Variants in RTKN observed in about 807,000 individuals in gnomAD.
RTKN encodes the protein rhotekin.
Under a neutral mutation model 63.5 loss-of-function variants are expected in RTKN, and 49 were observed. That is an observed-to-expected ratio of 0.77 (90% confidence interval 0.61 to 0.98). RTKN has a LOEUF of 0.98. Ranked by LOEUF, RTKN falls within the 50% of genes least tolerant of loss-of-function variation. The pLI, the probability that RTKN is intolerant of heterozygous loss-of-function variation, is 0.00. For synonymous variants in RTKN, 295 were observed against 290.4 expected (o/e 1.02, Z -0.16); for missense variants, 685 against 740.8 (o/e 0.92, Z 0.87).
intron 2 of RTKN, among the ~76,000 whole-genome samples, chr2:74,431,204 T>C (rs992163450): frequency 5.3e-5 from 8 of 152,134 alleles, no homozygotes; most frequent in African/African-American, 1.9e-4. Context: ...AAGAGTTACG[T>C]TCCATTCACT....
rs1031334749 is a variant in RTKN at position 74,430,641 on chromosome 2, G to A, written c.348C>T (p.Pro116=). The A allele has an allele frequency of 1.2e-6, 2 of 1,613,564 alleles. No homozygotes were observed. Among genetic ancestry groups the A allele is most frequent in the African/African-American group, 2.7e-5 (2 of 74,908 alleles). Residue 116 remains proline (P), a synonymous_variant, in exon 3 of 12, where the codon CCC becomes CCT. Transcript: ENST00000272430. ...SDSGPPAERS[P]CRGRVCISDL... ...CAGAGATGCAGACCCGGCCGCGGCAGGGGGAGCGCTCAGCGGGCGGGCCAC... is the reference window on the plus strand; with the variant it reads ...CAGAGATGCAGACCCGGCCGCGGCAAGGGGAGCGCTCAGCGGGCGGGCCAC...
chr2:74,439,776 T>C, intron 1 of RTKN: 1 of 1,471,372 alleles, frequency 6.8e-7, no homozygotes, highest in Non-Finnish European at 9.1e-7. Flanking sequence ...CCCTTATCCC[T>C]CTGCACTCCT....
chr2:74,440,526 A>T (rs1402817929), intron 1 of RTKN: 1 of 985,986 alleles, frequency 1.0e-6, no homozygotes, highest in East Asian at 1.1e-4. Context: ...ACGGAGTCAC[A>T]CTTCACTCGG....
At chr2:74,439,735 T>C in intron 1 of RTKN, 1 of 1,539,588 alleles carries the variant, frequency 6.5e-7, no homozygotes. Context: ...TTTAAAGAGG[T>C]GGCCAGCTCT....
At chr2:74,435,197 C>T (rs1670987961) in intron 1 of RTKN, among the ~76,000 whole-genome samples, 1 of 152,180 alleles carries the variant, frequency 6.6e-6, no homozygotes, top group Non-Finnish European at 1.5e-5. Flanking sequence ...CTGGAAGAGA[C>T]ACCAGGATTC....
chr2:74,434,171 C>A (rs1314464991), intron 1 of RTKN, among the ~76,000 whole-genome samples: 2 of 151,848 alleles, frequency 1.3e-5, no homozygotes, highest in African/African-American at 4.8e-5. Context: ...GGCGCGATCT[C>A]AGCTCACTGC....
chr2:74,439,722 G>C (rs1671247886), intron 1 of RTKN: 1 of 1,558,480 alleles, frequency 6.4e-7, no homozygotes, highest in Admixed American at 1.9e-5. Flanking sequence ...TGTTCCCTCA[G>C]TCTTTAAAGA....
chr2:74,432,397 G>C (rs771651239), intron 2 of RTKN, 70 bp downstream of exon 2: 1 of 1,407,340 alleles, frequency 7.1e-7, no homozygotes, highest in Non-Finnish European at 1.0e-6. Flanking sequence ...TGCCACACAC[G>C]CACATGCTGC....
chr2:74,428,987 G>A (rs746567766), intron 6 of RTKN, 45 bp from the exon 7 acceptor site: 23 of 1,505,158 alleles, frequency 1.5e-5, no homozygotes, highest in Admixed American at 6.7e-5. Flanking sequence ...GGGGCATGTT[G>A]GCCAGCAGGA....
intron 8 of RTKN, 71 bp downstream of exon 8, chr2:74,428,560 C>T: frequency 1.3e-6 from 2 of 1,540,554 alleles, no homozygotes; most frequent in Admixed American, 3.6e-5. Flanking sequence ...TTCATTAGCT[C>T]TTCTATTCCT....
At chr2:74,432,359 G>C (rs757212365) in intron 2 of RTKN, 108 bp downstream of exon 2, 1 of 1,066,742 alleles carries the variant, frequency 9.4e-7, no homozygotes. Context: ...AAGACTTCAT[G>C]GGGAAGTCAT....
At position 74,426,001 on chromosome 2, in the gene RTKN, TC is replaced by T; in HGVS notation, c.*241del. The T allele has an allele frequency of 1.6e-6, 1 of 642,604 alleles. No individual in the cohort carries two copies. The highest frequency in any genetic ancestry group is 2.7e-6 in the Non-Finnish European group (1 of 376,496). 39.8% of individuals were successfully genotyped at this position (642,604 alleles called of 1,614,324 possible). On this transcript the variant is annotated 3_prime_UTR_variant, in exon 12 of 12. Coordinates refer to ENST00000272430, the MANE Select transcript of RTKN (RefSeq NM_001015055.2). The stretch of plus-strand genomic sequence containing the variant: ...TGCAGGGAGGTAGGGCAGAGTTGGT[TC>T]CAGTTTTCTTCCAGGAAGGGTTTAG...
At chr2:74,439,666 G>A (rs764447964) in intron 1 of RTKN, 5 of 1,611,788 alleles carry the variant, frequency 3.1e-6, no homozygotes, top group Non-Finnish European at 4.2e-6. Flanking sequence ...CCCCTCCAGA[G>A]GGGGGACAGA....
chr2:74,426,701 G>A (rs1291520299), intron 11 of RTKN, 127 bp from the exon 12 acceptor site: 16 of 1,407,160 alleles, frequency 1.1e-5, no homozygotes, highest in Middle Eastern at 2.6e-4. Flanking sequence ...TGGAGATTGC[G>A]TTATCCTGCA....
intron 1 of RTKN, chr2:74,440,167 C>T (rs111774508): frequency 4.2e-5 from 17 of 404,778 alleles, no homozygotes; most frequent in Non-Finnish European, 5.1e-5. Flanking sequence ...GTTGGAGCTT[C>T]CCGAGAGGGG....
intron 9 of RTKN, 57 bp from the exon 10 acceptor site, chr2:74,427,649 C>T: frequency 6.4e-7 from 1 of 1,553,950 alleles, no homozygotes. Context: ...GACAATCAGG[C>T]AGCCTTGATC....
Position 74,428,854 on chromosome 2 carries a change from T to C in RTKN, c.844A>G (p.Ser282Gly). The change falls in exon 7 of 12, where the codon AGT becomes GGT. Residue 282 changes from serine (S) to glycine (G), a missense_variant. Coordinates refer to ENST00000272430, the MANE Select transcript of RTKN (RefSeq NM_001015055.2). Reference protein sequence around the residue: ...GFRTHDLTLASHEENPAWLPL... With the variant: ...GFRTHDLTLAGHEENPAWLPL... The stretch of plus-strand genomic sequence containing the variant: ...CATGCACACACATACTTACCATGAC[T>C]GGCAAGGGTGAGGTCATGTGTGCGG... 6.2e-7 allele frequency: 1 copy of C among 1,613,816 alleles called. No homozygotes were observed. The highest frequency in any genetic ancestry group is 1.7e-5 in the Admixed American group (1 of 60,024).
rs1670388499 is a variant in RTKN, at chr2:74,426,350, A to C, written c.1585T>G (p.Ser529Ala). ...GGGGCAACCGAGCGAGCCCTAGGGGAGTGGTCTGGGGGGACAGCATCCAGG... is the reference window on the plus strand; with the variant it reads ...GGGGCAACCGAGCGAGCCCTAGGGGCGTGGTCTGGGGGGACAGCATCCAGG... ...FSLDAVPPDH[S>A]PRARSVAPLP... Residue 529 changes from serine (S) to alanine (A), a missense_variant, in exon 12 of 12, where the codon TCC (serine) becomes GCC (alanine). By Grantham distance (99) the Ser-to-Ala change is moderately conservative. Transcript: ENST00000272430. The C allele has an allele frequency of 6.2e-7, 1 of 1,611,808 alleles. No homozygotes were observed. Among genetic ancestry groups the C allele is most frequent in the South Asian group, 1.1e-5 (1 of 90,984 alleles).
intron 1 of RTKN, among the ~76,000 whole-genome samples, chr2:74,433,112 G>A (rs529791219): frequency 9.2e-5 from 14 of 151,748 alleles, no homozygotes; most frequent in African/African-American, 1.5e-4. Context: ...GCGTGGTGGC[G>A]GGCGCCTGTA....
Sources: allele counts gnomAD v4.1 joint callset (sites outside exome capture counted in the v4.1 genomes callset), GRCh38; gene constraint gnomAD v4.1.1; transcripts MANE v1.5; gene names NCBI Gene and HGNC (gene_info 2026-07-23, HGNC 2026-07-21).